COMMD10: variants seen among roughly 807,000 people sequenced by gnomAD.
COMMD10 encodes the protein COMM domain containing 10.
A neutral mutation model predicts 28.9 loss-of-function variants in COMMD10; 33 were observed. That is an observed-to-expected ratio of 1.14 (90% confidence interval 0.87 to 1.53). The LOEUF is 1.53. COMMD10 is among the 40% of genes most tolerant of loss of function. COMMD10 has a pLI of 0.00. For missense variants in COMMD10, 310 were observed against 233.4 expected, an observed-to-expected ratio of 1.33 and a Z score of -2.14; for synonymous variants, 110 against 81.7, an observed-to-expected ratio of 1.35 and a Z score of -1.87.
intron 4 of COMMD10, among the ~76,000 whole-genome samples, chr5:116,122,476 G>T (rs1234875883): frequency 3.9e-5 from 6 of 152,132 alleles, no homozygotes; most frequent in Admixed American, 3.9e-4. Context: ...CTCTTTTTTG[G>T]TTCCATATGA....
At chr5:116,292,275 C>T (rs1056135225) in intron 6 of COMMD10, among the ~76,000 whole-genome samples, 176 bp from the exon 7 acceptor site, 6 of 152,064 alleles carry the variant, frequency 3.9e-5, no homozygotes, top group Non-Finnish European at 8.8e-5. Flanking sequence ...ATTCTAATAT[C>T]TTCACCTAAA....
chr5:116,280,496 A>T (rs1751041319), intron 5 of COMMD10, among the ~76,000 whole-genome samples: 1 of 151,800 alleles, frequency 6.6e-6, no homozygotes, highest in East Asian at 1.9e-4. Flanking sequence ...CTTAGTTATA[A>T]AAGGCAACCT....
intron 5 of COMMD10, among the ~76,000 whole-genome samples, chr5:116,224,510 A>T (rs1266642919): frequency 6.6e-6 from 1 of 152,184 alleles, no homozygotes; most frequent in African/African-American, 2.4e-5. Context: ...TCATGGTGGA[A>T]GGCAAAAGGG....
intron 5 of COMMD10, among the ~76,000 whole-genome samples, chr5:116,234,383 AAAG>A (rs772772953): frequency 1.2e-4 from 19 of 152,302 alleles, no homozygotes; most frequent in South Asian, 4.1e-4. Context: ...ATAGCAATGA[AAAG>A]AAAAAAATTT....
At chr5:116,108,593 A>C (rs1312423824) in intron 4 of COMMD10, among the ~76,000 whole-genome samples, 1 of 152,162 alleles carries the variant, frequency 6.6e-6, no homozygotes, top group Non-Finnish European at 1.5e-5. Context: ...AGCAGCGAGA[A>C]TTTCACGTCG....
At chr5:116,168,177 G>C (rs1367694540) in intron 5 of COMMD10, among the ~76,000 whole-genome samples, 1 of 146,438 alleles carries the variant, frequency 6.8e-6, no homozygotes, top group Non-Finnish European at 1.5e-5. Context: ...AAAAAAAAGG[G>C]ATTGCAGTCC....
intron 4 of COMMD10, among the ~76,000 whole-genome samples, chr5:116,111,216 C>A (rs761848584): frequency 1.3e-5 from 2 of 151,950 alleles, no homozygotes; most frequent in African/African-American, 4.8e-5. Context: ...TTTTAAAGAA[C>A]GAGCTTTTTG....
intron 4 of COMMD10, among the ~76,000 whole-genome samples, chr5:116,123,927 AT>A (rs143533105): frequency 0.029 from 4,366 of 150,494 alleles, 104 homozygotes; most frequent in East Asian, 0.14. Context: ...CCCCTTTATC[AT>A]TTTTTTTTAT....
chr5:116,245,748 T>G (rs1749932454), intron 5 of COMMD10, among the ~76,000 whole-genome samples: 1 of 152,136 alleles, frequency 6.6e-6, no homozygotes, highest in African/African-American at 2.4e-5. Context: ...ACCACATGAT[T>G]ATCTCAATAG....
chr5:116,208,329 T>C (rs1748870526), intron 5 of COMMD10, among the ~76,000 whole-genome samples: 1 of 151,916 alleles, frequency 6.6e-6, no homozygotes, highest in African/African-American at 2.4e-5. Context: ...TCTGTTCACC[T>C]CCCCCCACCA....
At chr5:116,161,193 G>A (rs1752904601) in intron 5 of COMMD10, among the ~76,000 whole-genome samples, 2 of 152,036 alleles carry the variant, frequency 1.3e-5, no homozygotes, top group Admixed American at 1.3e-4. Context: ...AAGGATCATG[G>A]GCTTTGGATT....
At chr5:116,134,551 T>C (rs145155256) in intron 5 of COMMD10, among the ~76,000 whole-genome samples, 11 of 152,352 alleles carry the variant, frequency 7.2e-5, no homozygotes, top group African/African-American at 2.4e-4. Context: ...GATGGTGACC[T>C]GAATTGTGTT....
At chr5:116,279,468 C>G (rs1751010716) in intron 5 of COMMD10, among the ~76,000 whole-genome samples, 1 of 151,732 alleles carries the variant, frequency 6.6e-6, no homozygotes, top group African/African-American at 2.4e-5. Context: ...TTTCCGTTTG[C>G]CCAGTGCCCT....
chr5:116,250,744 C>T (rs1283658599), intron 5 of COMMD10, among the ~76,000 whole-genome samples: 1 of 151,890 alleles, frequency 6.6e-6, no homozygotes, highest in Non-Finnish European at 1.5e-5. Context: ...CTTGGAGAGT[C>T]TCTCTTCTGA....
At position 116,210,924 on chromosome 5, in the gene COMMD10, GATA is replaced by G. The variant is rs757907268; in HGVS notation, c.510+76756_510+76758del. 4.9e-3 allele frequency among the ~76,000 whole-genome samples: 746 copies of G among 152,084 alleles called. 7 individuals carry two copies. Among genetic ancestry groups the G allele is most frequent in the African/African-American group, 0.015 (626 of 41,530 alleles). ...TGCCTATTATTATTCCTCTAGAAAAGATAATAATAATACATAGTTACAAGAACA... is the reference window on the plus strand; with the variant it reads ...TGCCTATTATTATTCCTCTAGAAAAGATAATAATACATAGTTACAAGAACA... On this transcript the variant is annotated intron_variant, in intron 5 of 6. Transcript: ENST00000274458.
intron 5 of COMMD10, among the ~76,000 whole-genome samples, chr5:116,134,507 T>G (rs770775671): frequency 2.6e-5 from 4 of 152,246 alleles, no homozygotes; most frequent in Non-Finnish European, 5.9e-5. Context: ...AGAATATTGT[T>G]TGTTGTCCAG....
At chr5:116,289,563 C>A (rs76292674) in intron 5 of COMMD10, among the ~76,000 whole-genome samples, 16,130 of 151,868 alleles carry the variant, frequency 0.11, 1,081 homozygotes, top group African/African-American at 0.15. Context: ...GAGTGCCCTT[C>A]TTTAATTAAT....
At chr5:116,254,816 G>A (rs865887212) in intron 5 of COMMD10, among the ~76,000 whole-genome samples, 30 of 151,470 alleles carry the variant, frequency 2.0e-4, no homozygotes, top group South Asian at 4.2e-4. Flanking sequence ...TATTAGGTCC[G>A]CTTGGTGCAG....
intron 5 of COMMD10, among the ~76,000 whole-genome samples, chr5:116,252,124 TTG>T (rs1472472445): frequency 2.7e-5 from 4 of 148,648 alleles, no homozygotes; most frequent in African/African-American, 1.0e-4. Context: ...TTCATGTCCT[TTG>T]CCCACTTTTT....
Sources: allele counts gnomAD v4.1 joint callset (sites outside exome capture counted in the v4.1 genomes callset), GRCh38; gene constraint gnomAD v4.1.1; transcripts MANE v1.5; gene names NCBI Gene and HGNC (gene_info 2026-07-23, HGNC 2026-07-21).